BMP2K: variants seen among roughly 807,000 people sequenced by gnomAD.
BMP2K encodes BMP2 inducible kinase, also known as BMP-2-inducible protein kinase.
In BMP2K, 74 loss-of-function variants were observed where a neutral mutation model predicts 116.0. The ratio of observed to expected loss-of-function variants is 0.64; its 90% CI spans 0.53 to 0.77. The LOEUF (loss-of-function observed/expected upper bound fraction) is 0.77. Ranked by LOEUF, BMP2K falls within the 30% of genes least tolerant of loss-of-function variation. The probability of loss-of-function intolerance (pLI) is 0.00; values close to 1 mark genes in which losing one functional copy is unlikely to be tolerated. For synonymous variants in BMP2K, 486 were observed against 502.5 expected (o/e 0.97, Z 0.44); for missense variants, 1,365 against 1,403.6 (o/e 0.97, Z 0.44).
At chr4:78,841,398 GAA>G (rs1730752406) in intron 3 of BMP2K, among the ~76,000 whole-genome samples, 1 of 152,040 alleles carries the variant, frequency 6.6e-6, no homozygotes, top group Admixed American at 6.6e-5. Flanking sequence ...TGTTAATAAA[GAA>G]TCATTATTAG....
chr4:78,853,584 C>T (rs963395229), intron 7 of BMP2K, among the ~76,000 whole-genome samples: 3 of 152,064 alleles, frequency 2.0e-5, no homozygotes, highest in Non-Finnish European at 2.9e-5. Context: ...AGCTGGCTGC[C>T]TCAGTTGTCT....
At chr4:78,898,147 G>T (rs190033623) in intron 15 of BMP2K, among the ~76,000 whole-genome samples, 28 of 152,318 alleles carry the variant, frequency 1.8e-4, no homozygotes, top group Admixed American at 1.2e-3. Context: ...AGTATGTTCA[G>T]AGAATTGCAG....
Position 78,872,485 on chromosome 4 carries a change from T to C in BMP2K, c.1609-129T>C, listed in dbSNP as rs1732413134. ...TTTTCTAGTAATAGAGCTGCTTCTG[T>C]AGATGATTGTTTTTTACGTTTCTGA... On this transcript the variant is annotated intron_variant, in intron 12 of 15. Coordinates refer to ENST00000502613, the MANE Select transcript of BMP2K (RefSeq NM_198892.2). 3.8e-6 allele frequency: 3 copies of C among 780,278 alleles called. No homozygotes were observed. The East Asian group carries it at 8.2e-5, about 21-fold the overall frequency. 48.3% of individuals were successfully genotyped at this position (780,278 alleles called of 1,614,324 possible). A position where few individuals can be genotyped will look rare whatever the true frequency, so the allele number is the denominator to read the frequency against.
At chr4:78,866,164 A>G (rs544054237) in intron 10 of BMP2K, among the ~76,000 whole-genome samples, 10 of 152,302 alleles carry the variant, frequency 6.6e-5, no homozygotes, top group African/African-American at 2.4e-4. Flanking sequence ...TACAACATAA[A>G]AACTTACCTG....
intron 7 of BMP2K, chr4:78,859,058 ATGT>A (rs1291598849): frequency 1.3e-5 from 2 of 151,910 alleles, no homozygotes; most frequent in Non-Finnish European, 2.9e-5. Context: ...ACTATGGTGA[ATGT>A]TGTTAGCATC....
intron 15 of BMP2K, among the ~76,000 whole-genome samples, chr4:78,903,951 G>A (rs909927449): frequency 6.6e-6 from 1 of 151,854 alleles, no homozygotes; most frequent in Non-Finnish European, 1.5e-5. Context: ...AGTTATTATG[G>A]CTTTGATATA....
chr4:78,854,084 T>G (rs1731384746), intron 7 of BMP2K, among the ~76,000 whole-genome samples: 1 of 151,684 alleles, frequency 6.6e-6, no homozygotes, highest in Non-Finnish European at 1.5e-5. Flanking sequence ...CAGAATATAC[T>G]GTTAAATATA....
At chr4:78,814,190 T>C (rs1729219441) in intron 1 of BMP2K, among the ~76,000 whole-genome samples, 1 of 152,176 alleles carries the variant, frequency 6.6e-6, no homozygotes, top group Non-Finnish European at 1.5e-5. Context: ...TCCTCAAGAA[T>C]TACTCCTTTT....
rs1283889287 is a variant in BMP2K at position 78,870,967 on chromosome 4, GCAGCAGCAACAGCAA to G, written c.1425_1439del (p.Gln482_Gln486del). The G allele has an allele frequency of 1.9e-6, 3 of 1,609,612 alleles. No individual in the cohort carries two copies. Among genetic ancestry groups the G allele is most frequent in the East Asian group, 2.2e-5 (1 of 44,824 alleles). ...AGCAGCAGCAGCAACAGCAACAGCAGCAGCAGCAACAGCAACAGCAGCAGCAGCAGCAGCAGCAGC... is the reference window on the plus strand; with the variant it reads ...AGCAGCAGCAGCAACAGCAACAGCAGCAGCAGCAGCAGCAGCAGCAGCAGC... On this transcript the variant is annotated inframe_deletion, in exon 11 of 16. Coordinates refer to ENST00000502613, the MANE Select transcript of BMP2K (RefSeq NM_198892.2).
At chr4:78,838,674 A>G (rs547966991) in intron 3 of BMP2K, among the ~76,000 whole-genome samples, 21 of 152,246 alleles carry the variant, frequency 1.4e-4, no homozygotes, top group Non-Finnish European at 2.9e-4. Context: ...AAGGGAACCT[A>G]TATAATGTAT....
intron 14 of BMP2K, 157 bp from the exon 15 acceptor site, chr4:78,887,017 A>C (rs1733129805): frequency 1.8e-6 from 1 of 551,868 alleles, no homozygotes; most frequent in Admixed American, 3.3e-5. Flanking sequence ...ATTCAGGACT[A>C]CTCCCTAATA....
chr4:78,812,262 C>G (rs184434492), intron 1 of BMP2K, among the ~76,000 whole-genome samples: 58 of 152,304 alleles, frequency 3.8e-4, no homozygotes, highest in African/African-American at 1.3e-3. Flanking sequence ...AGCCACTGTG[C>G]CTGGCCTTTA....
At chr4:78,783,842 A>G (rs940672607) in intron 1 of BMP2K, among the ~76,000 whole-genome samples, 2 of 152,068 alleles carry the variant, frequency 1.3e-5, no homozygotes, top group Non-Finnish European at 1.5e-5. Flanking sequence ...ATAAATAAAA[A>G]TAAAAGTGCT....
intron 13 of BMP2K, among the ~76,000 whole-genome samples, chr4:78,876,890 C>T (rs1732657485): frequency 6.6e-6 from 1 of 152,130 alleles, no homozygotes; most frequent in Admixed American, 6.5e-5. Context: ...GTATAGCCTA[C>T]TACACATCTA....
intron 1 of BMP2K, among the ~76,000 whole-genome samples, chr4:78,799,623 T>C (rs3775519): frequency 0.036 from 5,535 of 152,308 alleles, 240 homozygotes; most frequent in East Asian, 0.22. Flanking sequence ...CTTAGTATGA[T>C]TTGGCTTTTG....
Position 78,842,541 on chromosome 4 carries a change from A to G in BMP2K, c.546+14A>G. Reference sequence around the variant, plus strand: ...CGGGATCTGAAGGTAAGAACTTTAGAATTCCTATGGATTAAGTAATAAGTT... The same window carrying G: ...CGGGATCTGAAGGTAAGAACTTTAGGATTCCTATGGATTAAGTAATAAGTT... On this transcript the variant is annotated intron_variant, in intron 4 of 15. Transcript: ENST00000502613. 6.4e-7 allele frequency: 1 copy of G among 1,557,790 alleles called. No individual in the cohort carries two copies.
chr4:78,877,590 A>T (rs1271422808), intron 13 of BMP2K, among the ~76,000 whole-genome samples: 1 of 152,180 alleles, frequency 6.6e-6, no homozygotes, highest in East Asian at 1.9e-4. Flanking sequence ...CTTCTCCTGG[A>T]ATACCTCCTA....
chr4:78,843,958 A>T (rs553053279), intron 4 of BMP2K, among the ~76,000 whole-genome samples: 1 of 151,984 alleles, frequency 6.6e-6, no homozygotes, highest in South Asian at 2.1e-4. Context: ...TTCTTTCTGA[A>T]TCTTTATTTT....
intron 1 of BMP2K, among the ~76,000 whole-genome samples, chr4:78,822,366 G>GA (rs1223921284): frequency 1.3e-5 from 2 of 152,030 alleles, no homozygotes; most frequent in Non-Finnish European, 2.9e-5. Flanking sequence ...GGAGGAGGCT[G>GA]AAAATTACTG....
Sources: gnomAD v4.1 joint callset for allele counts (sites outside exome capture counted in the v4.1 genomes callset) on GRCh38, gnomAD v4.1.1 for gene constraint, MANE v1.5 for transcripts, NCBI Gene and HGNC (gene_info 2026-07-23, HGNC 2026-07-21) for gene names.